COL14A1: variants seen among roughly 807,000 people sequenced by gnomAD.
COL14A1 encodes the protein collagen alpha-1(XIV) chain.
Under a neutral mutation model 230.3 loss-of-function variants are expected in COL14A1, and 136 were observed. That is an observed-to-expected ratio of 0.59 (90% CI 0.51 to 0.68). The LOEUF (loss-of-function observed/expected upper bound fraction) is 0.68, where lower values mean the gene tolerates loss of function less well. Ranked by LOEUF, COL14A1 falls within the 30% of genes least tolerant of loss-of-function variation. The pLI, the probability that COL14A1 is intolerant of heterozygous loss-of-function variation, is 0.00. For synonymous variants in COL14A1, 792 were observed against 784.1 expected, an observed-to-expected ratio of 1.01 and a Z score of -0.17; for missense variants, 1,976 against 2,215.8, an observed-to-expected ratio of 0.89 and a Z score of 2.17.
chr8:120,304,274 T>A (rs953593683), intron 36 of COL14A1, among the ~76,000 whole-genome samples: 1 of 152,164 alleles, frequency 6.6e-6, no homozygotes, highest in Non-Finnish European at 1.5e-5. Flanking sequence ...TTATTTCTTG[T>A]CTTCTGCTAG....
At chr8:120,338,928 C>T (rs1213118482) in intron 42 of COL14A1, among the ~76,000 whole-genome samples, 1 of 152,086 alleles carries the variant, frequency 6.6e-6, no homozygotes, top group African/African-American at 2.4e-5. Context: ...ATTTGTGAAG[C>T]CTAAGAAATG....
intron 32 of COL14A1, 31 bp downstream of exon 32, chr8:120,283,809 T>C (rs1464223617): frequency 6.3e-7 from 1 of 1,576,308 alleles, no homozygotes; most frequent in South Asian, 1.2e-5. Context: ...CACATTCACA[T>C]ATACATGTAT....
intron 1 of COL14A1, among the ~76,000 whole-genome samples, chr8:120,129,272 G>A (rs1360844849): frequency 6.6e-6 from 1 of 152,144 alleles, no homozygotes; most frequent in African/African-American, 2.4e-5. Context: ...GGAAGATCAA[G>A]GAAAACTTCC....
intron 5 of COL14A1, among the ~76,000 whole-genome samples, chr8:120,173,564 C>CATCTATCTATCTATCTATCT (rs71306871): frequency 0.072 from 10,672 of 149,206 alleles, 496 homozygotes; most frequent in Admixed American, 0.11. Context: ...AGCAATCAAT[C>CATCTATCTATCTATCTATCT]ATCTATCTAT....
intron 38 of COL14A1, among the ~76,000 whole-genome samples, chr8:120,314,904 G>GT (rs1321141091): frequency 1.3e-5 from 2 of 152,142 alleles, no homozygotes; most frequent in African/African-American, 4.8e-5. Context: ...ATATGAGATT[G>GT]TAAAATCCAA....
chr8:120,209,879 G>T lies in COL14A1; in HGVS notation c.1445G>T (p.Gly482Val), dbSNP rs1288170335. 2 of 1,608,806 alleles carry T rather than the reference G, an allele frequency of 1.2e-6. No homozygotes were observed. Among genetic ancestry groups the T allele is most frequent in the Admixed American group, 1.7e-5 (1 of 58,972 alleles). Residue 482 changes from glycine (G) to valine (V), a missense_variant, in exon 12 of 48, where the codon GGC becomes GTC. This residue lies in a region of COL14A1 where 1,791 missense variants were observed against 2,019.5 expected (regional missense o/e 0.89). Coordinates refer to ENST00000297848, the MANE Select transcript of COL14A1 (RefSeq NM_021110.4). ...ATCCTTTATGCTCCTCTAACAGAGGGCCTGGCTGGGGATGAAAAAGAGGTA... is the reference window on the plus strand; with the variant it reads ...ATCCTTTATGCTCCTCTAACAGAGGTCCTGGCTGGGGATGAAAAAGAGGTA... ...YLILYAPLTEGLAGDEKEMKI... is the reference protein window; with the variant it reads ...YLILYAPLTEVLAGDEKEMKI...
chr8:120,255,053 T>G (rs1819098733), intron 22 of COL14A1, among the ~76,000 whole-genome samples, 187 bp from the exon 23 acceptor site: 1 of 152,158 alleles, frequency 6.6e-6, no homozygotes, highest in South Asian at 2.1e-4. Flanking sequence ...TGCATAATGT[T>G]TTGCAATCTG....
rs199662847 is a variant in COL14A1 at position 120,212,620 on chromosome 8, C to G, written c.1597+43C>G. 4 of 1,608,308 alleles carry G rather than the reference C, an allele frequency of 2.5e-6. No homozygotes were observed. The South Asian group carries it at 4.4e-5, about 18-fold the overall frequency. On this transcript the variant is annotated intron_variant, in intron 13 of 47. Transcript: ENST00000297848. ...TCAGTTGGGATGCTGTAGTAAAAGCCCACATGAATGTGGGGATTCTGAATT... is the reference window on the plus strand; with the variant it reads ...TCAGTTGGGATGCTGTAGTAAAAGCGCACATGAATGTGGGGATTCTGAATT...
At chr8:120,276,660 A>G (rs1216295229) in intron 26 of COL14A1, among the ~76,000 whole-genome samples, 1 of 151,756 alleles carries the variant, frequency 6.6e-6, no homozygotes, top group Non-Finnish European at 1.5e-5. Context: ...TTCAAAGGAC[A>G]TGAACTCATC....
At chr8:120,257,544 A>G (rs1382403092) in intron 23 of COL14A1, among the ~76,000 whole-genome samples, 1 of 152,128 alleles carries the variant, frequency 6.6e-6, no homozygotes, top group Non-Finnish European at 1.5e-5. Flanking sequence ...AATGGAGAAG[A>G]ATTAGGTTGA....
chr8:120,164,351 A>T (rs1431994640), intron 4 of COL14A1, among the ~76,000 whole-genome samples: 1 of 152,124 alleles, frequency 6.6e-6, no homozygotes, highest in Non-Finnish European at 1.5e-5. Context: ...TAAATCTGTG[A>T]GGTGGTGGGT....
chr8:120,244,439 G>GAA (rs1208839232), intron 20 of COL14A1, among the ~76,000 whole-genome samples: 1 of 152,008 alleles, frequency 6.6e-6, no homozygotes, highest in Non-Finnish European at 1.5e-5. Flanking sequence ...TTGGTTACAT[G>GAA]AGTAATTCTT....
chr8:120,270,909 G>C (rs1819647463), intron 26 of COL14A1, among the ~76,000 whole-genome samples: 1 of 151,682 alleles, frequency 6.6e-6, no homozygotes, highest in Non-Finnish European at 1.5e-5. Context: ...CTACTGTAAA[G>C]ACACATGCAT....
At chr8:120,235,030 G>T (rs1818393240) in intron 19 of COL14A1, among the ~76,000 whole-genome samples, 1 of 152,076 alleles carries the variant, frequency 6.6e-6, no homozygotes, top group East Asian at 1.9e-4. Context: ...CTTCTTCCTG[G>T]TTTAGTCTTG....
At chr8:120,282,043 C>T (rs1271221810) in intron 31 of COL14A1, among the ~76,000 whole-genome samples, 1 of 152,176 alleles carries the variant, frequency 6.6e-6, no homozygotes. Flanking sequence ...ATGTGCCATG[C>T]TGGTGCGCTG....
chr8:120,356,545 T>C (rs1488643705), intron 45 of COL14A1, among the ~76,000 whole-genome samples: 2 of 152,200 alleles, frequency 1.3e-5, no homozygotes, highest in Non-Finnish European at 2.9e-5. Flanking sequence ...GTAAACAGGG[T>C]ATATATTTCC....
chr8:120,250,564 T>A, intron 21 of COL14A1, 53 bp from the exon 22 acceptor site: 1 of 1,586,448 alleles, frequency 6.3e-7, no homozygotes, highest in Non-Finnish European at 8.7e-7. Flanking sequence ...CTAAGAGTGC[T>A]TCTATTTTCC....
At chr8:120,156,093 A>G (rs1187412834) in intron 2 of COL14A1, among the ~76,000 whole-genome samples, 1 of 152,096 alleles carries the variant, frequency 6.6e-6, no homozygotes, top group Non-Finnish European at 1.5e-5. Context: ...CTGATTTCAG[A>G]TGCTTTCATC....
chr8:120,216,511 T>C (rs1185264428), intron 14 of COL14A1, 21 bp downstream of exon 14: 5 of 1,599,132 alleles, frequency 3.1e-6, no homozygotes, highest in Non-Finnish European at 4.3e-6. Flanking sequence ...GGACATAATG[T>C]ATATTTTTTA....
Sources: gnomAD v4.1 joint callset for allele counts (sites outside exome capture counted in the v4.1 genomes callset) on GRCh38, gnomAD v4.1.1 for gene constraint, gnomAD v4.1.1 regional missense constraint, MANE v1.5 for transcripts, NCBI Gene and HGNC (gene_info 2026-07-23, HGNC 2026-07-21) for gene names.